Variants in PLEKHG1 observed in about 807,000 individuals in gnomAD.
PLEKHG1 encodes the protein pleckstrin homology domain-containing family G member 1.
PLEKHG1 carries 44 observed loss-of-function variants against 100.8 expected under a neutral mutation model. That is an observed-to-expected ratio of 0.44 (90% CI 0.34 to 0.56). The LOEUF (loss-of-function observed/expected upper bound fraction) is 0.56, where lower values mean the gene tolerates loss of function less well. Among genes scored for constraint, PLEKHG1 ranks in the 20% least tolerant of loss-of-function variants. PLEKHG1 has a pLI of 0.01. For synonymous variants in PLEKHG1, 640 were observed against 662.5 expected, an observed-to-expected ratio of 0.97 and a Z score of 0.52; for missense variants, 1,545 against 1,720.9, an observed-to-expected ratio of 0.90 and a Z score of 1.81.
At chr6:150,646,427 C>T (rs1221818595) in intron 2 of PLEKHG1, among the ~76,000 whole-genome samples, 5 of 151,904 alleles carry the variant, frequency 3.3e-5, no homozygotes, top group Non-Finnish European at 5.9e-5. Flanking sequence ...TCATTCAGAG[C>T]ACATGGGCTG....
chr6:150,818,246 A>C, intron 11 of PLEKHG1, 30 bp downstream of exon 12: 1 of 1,478,278 alleles, frequency 6.8e-7, no homozygotes, highest in Non-Finnish European at 9.4e-7. Flanking sequence ...AACAATTTGA[A>C]ATTTCATTGT....
At chr6:150,821,999 G>A (rs1184776252) in intron 13 of PLEKHG1, among the ~76,000 whole-genome samples, 4 of 150,262 alleles carry the variant, frequency 2.7e-5, no homozygotes, top group East Asian at 3.9e-4. Flanking sequence ...GTGCCACCGC[G>A]CCTGGCTAAT....
At chr6:150,840,323 C>T in exon 16 of PLEKHG1, 3 of 1,614,150 alleles carry the variant, frequency 1.9e-6, no homozygotes, top group Non-Finnish European at 2.5e-6. Context: ...CAATGGATTC[C>T]ATCAACTACC....
chr6:150,722,643 C>G (rs745769675), intron 1 of PLEKHG1, among the ~76,000 whole-genome samples: 1 of 152,174 alleles, frequency 6.6e-6, no homozygotes, highest in African/African-American at 2.4e-5. Context: ...TGAGCCACTG[C>G]GCCCTGCCTC....
intron 3 of PLEKHG1, among the ~76,000 whole-genome samples, chr6:150,692,346 C>G (rs1268441607): frequency 6.6e-6 from 1 of 152,150 alleles, no homozygotes; most frequent in Non-Finnish European, 1.5e-5. Context: ...TACTTCAGAT[C>G]AACAATACAA....
intron 2 of PLEKHG1, among the ~76,000 whole-genome samples, chr6:150,754,658 G>A (rs1344164855): frequency 6.6e-6 from 1 of 151,252 alleles, no homozygotes; most frequent in Non-Finnish European, 1.5e-5. Context: ...GATGGCATTA[G>A]GACTTTCTTT....
chr6:150,809,818 G>A (rs1348609148), intron 10 of PLEKHG1, 84 bp downstream of exon 11: 36 of 970,660 alleles, frequency 3.7e-5, no homozygotes, highest in Admixed American at 6.2e-5. Context: ...ACTGTGAGCC[G>A]AGATCACATC....
chr6:150,631,628 A>G (rs1017056361), intron 1 of PLEKHG1, among the ~76,000 whole-genome samples: 5 of 152,340 alleles, frequency 3.3e-5, no homozygotes, highest in South Asian at 2.1e-4. Flanking sequence ...ACTTGTAGGA[A>G]AATAAAAGTT....
At chr6:150,714,676 T>C (rs1471487362) in intron 3 of PLEKHG1, among the ~76,000 whole-genome samples, 3 of 152,222 alleles carry the variant, frequency 2.0e-5, no homozygotes, top group Admixed American at 1.3e-4. Flanking sequence ...GAAGTCCTGG[T>C]AACTATTTAG....
At chr6:150,809,718 C>G in exon 10 of PLEKHG1, 1 of 1,613,004 alleles carries the variant, frequency 6.2e-7, no homozygotes, top group South Asian at 1.1e-5. Flanking sequence ...AACCATGCAG[C>G]CAAGATTCCA....
intron 1 of PLEKHG1, among the ~76,000 whole-genome samples, chr6:150,634,105 G>A (rs1029117377): frequency 4.0e-5 from 6 of 151,832 alleles, no homozygotes; most frequent in African/African-American, 9.7e-5. Flanking sequence ...AAATCCGGGC[G>A]TGGTGGCAGG....
At chr6:150,762,389 G>T (rs1031126474) in intron 2 of PLEKHG1, among the ~76,000 whole-genome samples, 1 of 151,770 alleles carries the variant, frequency 6.6e-6, no homozygotes, top group African/African-American at 2.4e-5. Context: ...AGTAGAGACG[G>T]GGTTTCGCCA....
chr6:150,780,427 T>A (rs1028871019), intron 3 of PLEKHG1, among the ~76,000 whole-genome samples: 1 of 152,246 alleles, frequency 6.6e-6, no homozygotes, highest in African/African-American at 2.4e-5. Flanking sequence ...TGGCTTTCAT[T>A]TCCTCAGACC....
intron 1 of PLEKHG1, among the ~76,000 whole-genome samples, chr6:150,724,558 C>CTTTTT (rs34140367): frequency 3.0e-5 from 3 of 100,448 alleles, no homozygotes; most frequent in Non-Finnish European, 6.1e-5. Flanking sequence ...TTTTCTTTTT[C>CTTTTT]TTTTTTTTTT....
intron 1 of PLEKHG1, among the ~76,000 whole-genome samples, chr6:150,627,054 A>G (rs1408926002): frequency 1.3e-5 from 2 of 152,174 alleles, no homozygotes; most frequent in East Asian, 3.8e-4. Context: ...CTCTTGTAAT[A>G]GATCAAGGGA....
At chr6:150,619,874 T>C (rs1379574399) in intron 1 of PLEKHG1, among the ~76,000 whole-genome samples, 1 of 152,222 alleles carries the variant, frequency 6.6e-6, no homozygotes, top group African/African-American at 2.4e-5. Flanking sequence ...TTGGCTGAGA[T>C]GACAGGTCTT....
chr6:150,827,880 A>G (rs926527250), intron 14 of PLEKHG1: 3 of 1,495,480 alleles, frequency 2.0e-6, no homozygotes, highest in Admixed American at 1.7e-5. Context: ...TGCTATTGAA[A>G]TGTACAGACA....
chr6:150,758,126 C>T (rs141326024), intron 2 of PLEKHG1, among the ~76,000 whole-genome samples: 6 of 152,008 alleles, frequency 3.9e-5, no homozygotes, highest in Admixed American at 6.6e-5. Flanking sequence ...TTGTGAATAG[C>T]GCTGCATTGA....
chr6:150,799,526 G>T (rs1346958081), intron 5 of PLEKHG1, among the ~76,000 whole-genome samples: 1 of 152,122 alleles, frequency 6.6e-6, no homozygotes, highest in African/African-American at 2.4e-5. Context: ...CTAATTTGTT[G>T]CAGGTTCTTA....
Sources: gnomAD v4.1 joint callset for allele counts (sites outside exome capture counted in the v4.1 genomes callset) on GRCh38, gnomAD v4.1.1 for gene constraint, MANE v1.5 for transcripts, NCBI Gene and HGNC (gene_info 2026-07-23, HGNC 2026-07-21) for gene names.